The following SRSF3 variants were observed in gnomAD, a reference collection of about 807,000 sequenced individuals.
SRSF3 encodes the protein serine and arginine rich splicing factor 3.
For synonymous variants in SRSF3, 87 were observed against 73.6 expected (o/e 1.18, Z -0.93); for missense variants, 58 against 217.1 (o/e 0.27, Z 4.61).
chr6:36,596,340 T>A (rs1299132129), intron 1 of SRSF3, among the ~76,000 whole-genome samples: 1 of 152,160 alleles, frequency 6.6e-6, no homozygotes, highest in Non-Finnish European at 1.5e-5. Context: ...AAGGACTAGC[T>A]TTCTTCATCA....
At chr6:36,601,903 A>G (rs1005711136) in intron 5 of SRSF3, 59 bp from the exon 6 acceptor site, 53 of 1,515,040 alleles carry the variant, frequency 3.5e-5, no homozygotes, top group Admixed American at 5.8e-5. Flanking sequence ...ATATGTCACT[A>G]AAGTGTCACC....
In SRSF3 at chr6:36,601,797, A is replaced by G. The variant is rs1218986623; in HGVS notation, c.467+3A>G. 4 of 1,607,386 alleles carry G rather than the reference A, an allele frequency of 2.5e-6. No individual in the cohort carries two copies. The highest frequency in any genetic ancestry group is 2.7e-5 in the African/African-American group (2 of 74,802). ...CGATCCTTCTCTAGGTCTCGTAGGT[A>G]AGATCTTTGATAACTTGTATTTAAG... On this transcript the variant is annotated splice_donor_region_variant and intron_variant, in intron 5 of 5. Coordinates refer to ENST00000373715, the MANE Select transcript of SRSF3 (RefSeq NM_003017.5).
At chr6:36,600,129 C>A in intron 3 of SRSF3, 2 of 1,071,026 alleles carry the variant, frequency 1.9e-6, no homozygotes, top group Admixed American at 4.4e-5. Context: ...CTTCGGCTAA[C>A]AAAAAAGCAG....
chr6:36,599,606 A>T (rs969475443), intron 3 of SRSF3: 1 of 351,624 alleles, frequency 2.8e-6, no homozygotes, highest in Non-Finnish European at 5.6e-6. Flanking sequence ...TAGTTTCTAT[A>T]GGACTAAATT....
chr6:36,595,308 T>A (rs866990817), intron 1 of SRSF3, among the ~76,000 whole-genome samples: 3 of 152,162 alleles, frequency 2.0e-5, no homozygotes, highest in African/African-American at 7.2e-5. Flanking sequence ...AACAAAAAAA[T>A]AAGTCCCCAA....
chr6:36,597,130 G>C lies in SRSF3; in HGVS notation c.206+162G>C, dbSNP rs973691197. 1.6e-5 allele frequency: 10 copies of C among 636,424 alleles called. No individual in the cohort carries two copies. In the African/African-American group the frequency reaches 1.7e-4, roughly 11 times the overall value. 39.4% of individuals were successfully genotyped at this position (636,424 alleles called of 1,614,324 possible). On this transcript the variant is annotated intron_variant, in intron 2 of 5. Coordinates refer to ENST00000373715, the MANE Select transcript of SRSF3 (RefSeq NM_003017.5). Reference sequence around the variant, plus strand: ...TTTTTTTTTTTTTTGGTGGGGAGACGAGTCTTGCACTGTCACTGGGCTGGA... The same window carrying C: ...TTTTTTTTTTTTTTGGTGGGGAGACCAGTCTTGCACTGTCACTGGGCTGGA...
rs373998680 is a variant in SRSF3, at chr6:36,603,905, C to T, written c.*1916C>T. ...AGGGTTTCTGTAAAAAGGACAGTTA[C>T]GGGTATAATATGGCTAAGAGAAATA... On this transcript the variant is annotated 3_prime_UTR_variant, in exon 6 of 6. Coordinates refer to ENST00000373715, the MANE Select transcript of SRSF3 (RefSeq NM_003017.5). 54 of 229,026 alleles carry T rather than the reference C, an allele frequency of 2.4e-4. 1 individual carries two copies. Among genetic ancestry groups the T allele is most frequent in the South Asian group, 7.4e-4 (4 of 5,400 alleles). The allele number at this position is 229,026 out of a possible 1,614,324, so 14.2% of individuals were successfully genotyped here. A position where few individuals can be genotyped will look rare whatever the true frequency, so the allele number is the denominator to read the frequency against.
chr6:36,601,708 G>A lies in SRSF3; in HGVS notation c.381G>A (p.Arg127=). Residue 127 remains arginine (R), a splice_region_variant and synonymous_variant, in exon 5 of 6, where the codon AGG becomes AGA. Coordinates refer to ENST00000373715, the MANE Select transcript of SRSF3 (RefSeq NM_003017.5). ...RRRSFSRSRS[R]SLSRDRRRER... is the part of the protein sequence containing the mutation. ...TCCTAATGTTTTTTTGCTTGTTTAGGTCCCTTTCTAGAGATAGGAGAAGAG... is the reference window on the plus strand; with the variant it reads ...TCCTAATGTTTTTTTGCTTGTTTAGATCCCTTTCTAGAGATAGGAGAAGAG... 10 of 1,596,330 alleles carry A rather than the reference G, an allele frequency of 6.3e-6. No individual in the cohort carries two copies. Among genetic ancestry groups the A allele is most frequent in the Non-Finnish European group, 8.6e-6 (10 of 1,166,344 alleles).
At chr6:36,600,977 C>CCTTT (rs1192794998) in intron 3 of SRSF3, 175 bp from the exon 4 acceptor site, 5 of 465,372 alleles carry the variant, frequency 1.1e-5, no homozygotes, top group Non-Finnish European at 1.8e-5. Context: ...TCCTTCTGTG[C>CCTTT]CTTTTTTTTC....
intron 1 of SRSF3, 46 bp from the exon 2 acceptor site, chr6:36,596,715 T>G (rs760371613): frequency 6.5e-7 from 1 of 1,541,476 alleles, no homozygotes; most frequent in South Asian, 1.1e-5. Context: ...TGGTTTTAAC[T>G]GTAGATGTTT....
intron 3 of SRSF3, chr6:36,599,570 C>T (rs750509570): frequency 3.3e-6 from 1 of 302,552 alleles, no homozygotes; most frequent in Non-Finnish European, 6.7e-6. Flanking sequence ...TGGGTGCTAA[C>T]TCCACATCTC....
chr6:36,596,918 A>G lies in SRSF3; in HGVS notation c.156A>G (p.Glu52=). Residue 52 remains glutamate (E), a synonymous_variant, in exon 2 of 6, where the codon GAA becomes GAG. Coordinates refer to ENST00000373715, the MANE Select transcript of SRSF3 (RefSeq NM_003017.5). The part of the protein sequence containing the change: ...ARNPPGFAFV[E]FEDPRDAADA... ...ACCCACCCGGCTTTGCTTTTGTTGA[A>G]TTTGAAGATCCCCGAGATGCAGCTG... 2 of 1,613,976 alleles carry G rather than the reference A, an allele frequency of 1.2e-6. No individual in the cohort carries two copies. The highest frequency in any genetic ancestry group is 1.1e-5 in the South Asian group (1 of 91,062).
rs775227806 is a variant in SRSF3 at position 36,601,001 on chromosome 6, CTTTTTTTTTTTTTTTTTTTT to C, written c.342-145_342-126del. The C allele has an allele frequency of 6.9e-5, 6 of 86,472 alleles. 1 individual carries two copies. Among genetic ancestry groups the C allele is most frequent in the Admixed American group, 4.2e-4 (2 of 4,708 alleles). The allele number at this position is 86,472 out of a possible 1,614,324, so 5.4% of individuals were successfully genotyped here. ...GCCTTTTTTTTCTTTTCTTTTTTTT[CTTTTTTTTTTTTTTTTTTTT>C]TTTTTGGACGATGGGTGCCAGTTCT... On this transcript the variant is annotated intron_variant, in intron 3 of 5. Coordinates refer to ENST00000373715, the MANE Select transcript of SRSF3 (RefSeq NM_003017.5).
chr6:36,597,142 G>C lies in SRSF3; in HGVS notation c.206+174G>C, dbSNP rs528433287. On this transcript the variant is annotated intron_variant, in intron 2 of 5. Coordinates refer to ENST00000373715, the MANE Select transcript of SRSF3 (RefSeq NM_003017.5). ...TTGGTGGGGAGACGAGTCTTGCACT[G>C]TCACTGGGCTGGAGTGCAGTGGTAC... is the stretch of plus-strand genomic sequence containing the variant. 3 of 602,322 alleles carry C rather than the reference G, an allele frequency of 5.0e-6. No individual in the cohort carries two copies. In the East Asian group the frequency reaches 8.5e-5, roughly 17 times the overall value. The allele number at this position is 602,322 out of a possible 1,614,324, so 37.3% of individuals were successfully genotyped here. A position where few individuals can be genotyped will look rare whatever the true frequency, so the allele number is the denominator to read the frequency against.
Position 36,603,061 on chromosome 6 carries a change from A to AG in SRSF3, c.*1073dup, listed in dbSNP as rs1778744519. 4.5e-6 allele frequency: 1 copy of AG among 222,556 alleles called. No homozygotes were observed. The highest frequency in any genetic ancestry group is 9.0e-6 in the Non-Finnish European group (1 of 111,182). The allele number at this position is 222,556 out of a possible 1,614,324, so 13.8% of individuals were successfully genotyped here. ...GTGAAGGAAATATAGATGTCACCTA[A>AG]GTGATAGTTAACCCATTTTTTTTTT... On this transcript the variant is annotated 3_prime_UTR_variant, in exon 6 of 6. Transcript: ENST00000373715.
In SRSF3 at chr6:36,602,249, CT is replaced by C; in HGVS notation, c.*264del. 1.7e-6 allele frequency: 1 copy of C among 587,706 alleles called. No individual in the cohort carries two copies. The highest frequency in any genetic ancestry group is 2.7e-6 in the Non-Finnish European group (1 of 372,544). The allele number at this position is 587,706 out of a possible 1,614,324, so 36.4% of individuals were successfully genotyped here. A position where few individuals can be genotyped will look rare whatever the true frequency, so the allele number is the denominator to read the frequency against. Reference sequence around the variant, plus strand: ...TAAGCAAAATTGAATTTGCTTTGAACTTTTAGTTATGCACAGACTGATAATA... The same window carrying C: ...TAAGCAAAATTGAATTTGCTTTGAACTTTAGTTATGCACAGACTGATAATA... On this transcript the variant is annotated 3_prime_UTR_variant, in exon 6 of 6. Transcript: ENST00000373715.
chr6:36,600,123 G>A (rs1223441275), intron 3 of SRSF3: 4 of 1,077,264 alleles, frequency 3.7e-6, no homozygotes, highest in African/African-American at 1.6e-5. Flanking sequence ...AGCAGCCTTC[G>A]GCTAACAAAA....
At chr6:36,600,876 T>G in intron 3 of SRSF3, 1 of 300,012 alleles carries the variant, frequency 3.3e-6, no homozygotes, top group Non-Finnish European at 6.1e-6. Flanking sequence ...CATGAAGTTT[T>G]GCATTGGACA....
chr6:36,600,668 G>A (rs1778696431), intron 3 of SRSF3: 1 of 153,370 alleles, frequency 6.5e-6, no homozygotes, highest in African/African-American at 2.4e-5. Context: ...CACAAATGCA[G>A]TTCTAATGTA....
Sources: allele counts gnomAD v4.1 joint callset (sites outside exome capture counted in the v4.1 genomes callset), GRCh38; gene constraint gnomAD v4.1.1; transcripts MANE v1.5; gene names NCBI Gene and HGNC (gene_info 2026-07-23, HGNC 2026-07-21).